Variants in RNF144A observed in about 807,000 individuals in gnomAD.
RNF144A encodes the protein E3 ubiquitin-protein ligase RNF144A.
RNF144A carries 11 observed loss-of-function variants against 38.7 expected under a neutral mutation model. That is an observed-to-expected ratio of 0.28 (90% confidence interval 0.18 to 0.47). The LOEUF is 0.47. RNF144A is among the 20% of genes least tolerant of loss of function. The pLI is 0.99. For synonymous variants in RNF144A, 149 were observed against 143.9 expected, an observed-to-expected ratio of 1.04 and a Z score of -0.25; for missense variants, 316 against 377.2, an observed-to-expected ratio of 0.84 and a Z score of 1.34.
At chr2:6,995,613 C>T (rs188689972) in intron 2 of RNF144A, among the ~76,000 whole-genome samples, 10 of 152,218 alleles carry the variant, frequency 6.6e-5, no homozygotes, top group Admixed American at 3.3e-4. Context: ...GTCCGATGTT[C>T]GAGGGCAGAA....
chr2:6,931,442 GT>G (rs999305427), intron 1 of RNF144A, among the ~76,000 whole-genome samples: 11 of 152,248 alleles, frequency 7.2e-5, no homozygotes. Context: ...CAGAAGCTGG[GT>G]TTTGGGAATG....
chr2:7,049,583 G>T (rs977061727), intron 6 of RNF144A, among the ~76,000 whole-genome samples: 2 of 152,190 alleles, frequency 1.3e-5, no homozygotes, highest in African/African-American at 4.8e-5. Flanking sequence ...ACGAAAATGA[G>T]GTTGCAGTCA....
At chr2:6,966,578 A>G (rs1473602901) in intron 2 of RNF144A, among the ~76,000 whole-genome samples, 1 of 152,216 alleles carries the variant, frequency 6.6e-6, no homozygotes, top group African/African-American at 2.4e-5. Flanking sequence ...AAAGCAGCCC[A>G]CTATAAAAAG....
intron 2 of RNF144A, among the ~76,000 whole-genome samples, chr2:6,956,662 C>T (rs1197817233): frequency 6.6e-6 from 1 of 152,110 alleles, no homozygotes; most frequent in East Asian, 1.9e-4. Flanking sequence ...AATCTCAGGT[C>T]TGATGTTGGG....
chr2:7,064,148 AAGC>A (rs1674097963), intron 6 of RNF144A, among the ~76,000 whole-genome samples: 1 of 152,148 alleles, frequency 6.6e-6, no homozygotes, highest in Non-Finnish European at 1.5e-5. Flanking sequence ...CTCATAACCT[AAGC>A]ACCTCTAATT....
At chr2:6,972,984 C>G (rs11676629) in intron 2 of RNF144A, among the ~76,000 whole-genome samples, 42,704 of 152,182 alleles carry the variant, frequency 0.28, 7,588 homozygotes, top group Non-Finnish European at 0.4. Flanking sequence ...CTGTTTGAAG[C>G]TAGGCTCTTG....
At chr2:7,033,319 G>A (rs756379311) in intron 8 of RNF144A, among the ~76,000 whole-genome samples, 1 of 152,242 alleles carries the variant, frequency 6.6e-6, no homozygotes, top group African/African-American at 2.4e-5. Context: ...CATGCTTCTG[G>A]TGCTTGATCT....
Position 7,020,638 on chromosome 2 carries a change from G to GC in RNF144A, c.470dup (p.Glu158GlyfsTer22). On this transcript the variant is annotated frameshift_variant, in exon 6 of 9. Coordinates refer to ENST00000320892, the MANE Select transcript of RNF144A (RefSeq NM_014746.6). LOFTEE classifies it high-confidence loss of function. ...GCCAGCTGGCACCCTGGCCAGGGCT[G>GC]CCCGGAGACCATGCCGATCACCTTC... The GC allele has an allele frequency of 6.2e-7, 1 of 1,607,650 alleles. No homozygotes were observed. Among genetic ancestry groups the GC allele is most frequent in the Non-Finnish European group, 8.5e-7 (1 of 1,179,986 alleles).
rs143339383 is a variant in RNF144A at position 6,967,319 on chromosome 2, A to G, written c.-12+26172A>G. On this transcript the variant is annotated intron_variant, in intron 2 of 8. Coordinates refer to ENST00000320892, the MANE Select transcript of RNF144A (RefSeq NM_014746.6). ...GAAACATGTAATTCTTCATCTACAG[A>G]AGACGTAGTTCGTTTGTCGTCTGCT... Among the ~76,000 whole-genome samples the G allele has an allele frequency of 1.4e-3, 211 of 152,356 alleles. 1 individual carries two copies. Among genetic ancestry groups the G allele is most frequent in the African/African-American group, 4.8e-3 (201 of 41,586 alleles).
At chr2:7,025,893 G>A (rs1671862051) in intron 7 of RNF144A, among the ~76,000 whole-genome samples, 1 of 152,090 alleles carries the variant, frequency 6.6e-6, no homozygotes, top group Non-Finnish European at 1.5e-5. Flanking sequence ...GGTGGGGCAG[G>A]GCGGACAGTC....
At chr2:6,946,585 G>A (rs1460829121) in intron 2 of RNF144A, among the ~76,000 whole-genome samples, 5 of 151,928 alleles carry the variant, frequency 3.3e-5, no homozygotes, top group Non-Finnish European at 7.4e-5. Context: ...TAAAAATAAG[G>A]TGAAACCTCT....
intron 5 of RNF144A, among the ~76,000 whole-genome samples, chr2:7,017,012 A>T (rs1254767161): frequency 1.3e-5 from 2 of 152,170 alleles, no homozygotes; most frequent in African/African-American, 4.8e-5. Context: ...CTGAGTTTTC[A>T]TTCTGAACAC....
chr2:6,977,163 C>T (rs1668364883), intron 2 of RNF144A, among the ~76,000 whole-genome samples: 1 of 152,240 alleles, frequency 6.6e-6, no homozygotes, highest in South Asian at 2.1e-4. Context: ...CAAGTTATTA[C>T]AATTTTTTAA....
downstream of RNF144A, among the ~76,000 whole-genome samples, chr2:7,073,079 C>T (rs1250818609): frequency 6.6e-6 from 1 of 152,210 alleles, no homozygotes; most frequent in East Asian, 1.9e-4. Context: ...ACCCCATCTA[C>T]CCTGGCCGTA....
chr2:6,937,562 A>C (rs1665671448), intron 1 of RNF144A, among the ~76,000 whole-genome samples: 3 of 152,260 alleles, frequency 2.0e-5, no homozygotes, highest in Admixed American at 2.0e-4. Context: ...AAATGGCAGA[A>C]GCTGTAGTAA....
chr2:7,035,407 GCTC>G (rs925564329), intron 8 of RNF144A, among the ~76,000 whole-genome samples: 3 of 152,138 alleles, frequency 2.0e-5, no homozygotes, highest in African/African-American at 7.2e-5. Flanking sequence ...CCCACTCTGT[GCTC>G]CTGCATTTTC....
In RNF144A at chr2:7,040,909, A is replaced by T. The variant is rs551009317; in HGVS notation, c.*1149A>T. ...AGAACCTCCCATTTCACTTCGTTTTAACGTGGGGATTTTACCACTTGATCT... is the reference window on the plus strand; with the variant it reads ...AGAACCTCCCATTTCACTTCGTTTTTACGTGGGGATTTTACCACTTGATCT... On this transcript the variant is annotated 3_prime_UTR_variant, in exon 9 of 9. Coordinates refer to ENST00000320892, the MANE Select transcript of RNF144A (RefSeq NM_014746.6). The T allele has an allele frequency of 1.0e-6, 1 of 985,486 alleles. No individual in the cohort carries two copies. Among genetic ancestry groups the T allele is most frequent in the African/African-American group, 1.7e-5 (1 of 57,380 alleles). The allele number at this position is 985,486 out of a possible 1,614,324, so 61.0% of individuals were successfully genotyped here.
downstream of RNF144A, chr2:7,044,281 A>T: frequency 5.1e-6 from 4 of 787,902 alleles, no homozygotes; most frequent in Non-Finnish European, 6.2e-6. Context: ...TTGAAGATTG[A>T]AAATATTCAA....
At chr2:7,007,737 G>T (rs1034809076) in intron 3 of RNF144A, among the ~76,000 whole-genome samples, 1 of 152,122 alleles carries the variant, frequency 6.6e-6, no homozygotes, top group Non-Finnish European at 1.5e-5. Flanking sequence ...CCTCTGTTCC[G>T]TTCCCCTGGG....
Sources: gnomAD v4.1 joint callset for allele counts (sites outside exome capture counted in the v4.1 genomes callset) on GRCh38, gnomAD v4.1.1 for gene constraint, MANE v1.5 for transcripts, NCBI Gene and HGNC (gene_info 2026-07-23, HGNC 2026-07-21) for gene names.